The following PLCB1 variants were observed in gnomAD, a reference collection of about 807,000 sequenced individuals.
PLCB1 encodes phospholipase C beta 1.
Under a neutral mutation model 161.8 loss-of-function variants are expected in PLCB1, and 46 were observed. The observed-to-expected ratio is 0.28, with a 90% CI of 0.22 to 0.36. The LOEUF is 0.36. Among genes scored for constraint, PLCB1 ranks in the 10% least tolerant of loss-of-function variants. The pLI is 1.00. For missense variants in PLCB1, 1,016 were observed against 1,472.5 expected, an observed-to-expected ratio of 0.69 and a Z score of 5.07; for synonymous variants, 517 against 503.7, an observed-to-expected ratio of 1.03 and a Z score of -0.35.
chr20:8,881,580 C>T lies in PLCB1; in HGVS notation c.3424-42C>T, dbSNP rs760136494. On this transcript the variant is annotated intron_variant, in intron 31 of 31. Transcript: ENST00000338037. Reference sequence around the variant, plus strand: ...GTTTCTATGGGAGTGGGTATAGAAACATAAACAACTTCAAGTCATCTCCCC... The same window carrying T: ...GTTTCTATGGGAGTGGGTATAGAAATATAAACAACTTCAAGTCATCTCCCC... 5.4e-6 allele frequency: 8 copies of T among 1,476,406 alleles called. No individual in the cohort carries two copies. In the South Asian group the frequency reaches 9.1e-5, roughly 17 times the overall value. The allele number at this position is 1,476,406 out of a possible 1,614,324, so 91.5% of individuals were successfully genotyped here. A position where few individuals can be genotyped will look rare whatever the true frequency, so the allele number is the denominator to read the frequency against.
At chr20:8,249,838 T>C (rs1188256458) in intron 2 of PLCB1, 1 of 151,974 alleles carries the variant, frequency 6.6e-6, no homozygotes, top group Non-Finnish European at 1.5e-5. Context: ...GGCAGATCAC[T>C]CACTGTGCCA....
At chr20:8,878,546 AGTCCAGGGCCCTGAGC>A (rs145968222) in intron 31 of PLCB1, among the ~76,000 whole-genome samples, 3,911 of 152,266 alleles carry the variant, frequency 0.026, 77 homozygotes, top group Middle Eastern at 0.075. Flanking sequence ...TAGCCACATG[AGTCCAGGGCCCTGAGC>A]GCCCCCTCAC....
At chr20:8,632,092 G>A (rs1254928942) in intron 4 of PLCB1, among the ~76,000 whole-genome samples, 1 of 89,622 alleles carries the variant, frequency 1.1e-5, no homozygotes, top group Non-Finnish European at 2.1e-5. Flanking sequence ...GTAAGACTTT[G>A]TTGCAAATAA....
intron 3 of PLCB1, among the ~76,000 whole-genome samples, chr20:8,575,398 C>T (rs2123062416): frequency 6.6e-6 from 1 of 152,286 alleles, no homozygotes; most frequent in Non-Finnish European, 1.5e-5. Context: ...TATTATTGTG[C>T]CCACAGAAAA....
chr20:8,146,105 GT>G (rs58227641), intron 1 of PLCB1, among the ~76,000 whole-genome samples: 34,623 of 141,618 alleles, frequency 0.24, 4,990 homozygotes, highest in African/African-American at 0.43. Flanking sequence ...TGTTTTTTTT[GT>G]TTTTTTTTTT....
chr20:8,566,563 G>C (rs1986341084), intron 3 of PLCB1, among the ~76,000 whole-genome samples: 1 of 152,158 alleles, frequency 6.6e-6, no homozygotes, highest in African/African-American at 2.4e-5. Context: ...CTTTTGAGCA[G>C]TTAGATTTTC....
intron 2 of PLCB1, among the ~76,000 whole-genome samples, chr20:8,267,725 A>G (rs1008071337): frequency 2.6e-5 from 4 of 152,196 alleles, no homozygotes; most frequent in African/African-American, 9.6e-5. Flanking sequence ...CAAGTGGCTC[A>G]GGAGCCCAGA....
chr20:8,653,768 A>G (rs1314496699), intron 7 of PLCB1, among the ~76,000 whole-genome samples: 1 of 152,090 alleles, frequency 6.6e-6, no homozygotes, highest in African/African-American at 2.4e-5. Context: ...AGGAATATTT[A>G]GTGTACTGGT....
intron 3 of PLCB1, among the ~76,000 whole-genome samples, chr20:8,452,089 A>T (rs1274673200): frequency 1.3e-5 from 2 of 152,218 alleles, no homozygotes; most frequent in East Asian, 1.9e-4. Context: ...GAATGTTTTT[A>T]AAAATTTCTA....
At chr20:8,359,309 T>C (rs1986464309) in intron 2 of PLCB1, among the ~76,000 whole-genome samples, 1 of 152,216 alleles carries the variant, frequency 6.6e-6, no homozygotes, top group Non-Finnish European at 1.5e-5. Context: ...ATGAATTATG[T>C]TTATCAACTT....
intron 2 of PLCB1, among the ~76,000 whole-genome samples, chr20:8,257,123 C>T (rs376581432): frequency 9.9e-5 from 15 of 152,068 alleles, no homozygotes; most frequent in Admixed American, 3.9e-4. Context: ...TTTAGATGAA[C>T]GATTCCCCAA....
chr20:8,305,520 C>T (rs559324281), intron 2 of PLCB1, among the ~76,000 whole-genome samples: 4 of 152,158 alleles, frequency 2.6e-5, no homozygotes, highest in African/African-American at 4.8e-5. Flanking sequence ...TTTGCAAACA[C>T]ACCTTGGGGT....
intron 2 of PLCB1, among the ~76,000 whole-genome samples, chr20:8,184,769 T>TTTTTTA (rs2051882807): frequency 7.0e-6 from 1 of 141,916 alleles, no homozygotes; most frequent in South Asian, 2.3e-4. Flanking sequence ...TGGCAATACC[T>TTTTTTA]TTATTATTAT....
At chr20:8,330,815 A>G (rs984283) in intron 2 of PLCB1, among the ~76,000 whole-genome samples, 53,944 of 152,062 alleles carry the variant, frequency 0.35, 10,383 homozygotes, top group African/African-American at 0.5. Flanking sequence ...CAACATTAGC[A>G]TCTACATCCT....
intron 3 of PLCB1, among the ~76,000 whole-genome samples, chr20:8,559,275 G>A (rs533881319): frequency 1.3e-5 from 2 of 151,850 alleles, no homozygotes; most frequent in Non-Finnish European, 2.9e-5. Context: ...CAGATTATAA[G>A]TTTAAGATGT....
intron 3 of PLCB1, among the ~76,000 whole-genome samples, chr20:8,523,488 CT>C (rs1568492937): frequency 6.7e-5 from 4 of 59,368 alleles, no homozygotes; most frequent in East Asian, 3.0e-4. Context: ...CTCTCTCTCT[CT>C]CTCTCTCTAT....
At chr20:8,361,501 A>G (rs930107559) in intron 2 of PLCB1, among the ~76,000 whole-genome samples, 1 of 152,092 alleles carries the variant, frequency 6.6e-6, no homozygotes, top group African/African-American at 2.4e-5. Flanking sequence ...AGAGTTTCTA[A>G]TTTAGTAGGC....
At chr20:8,482,921 T>C (rs1456537902) in intron 3 of PLCB1, among the ~76,000 whole-genome samples, 2 of 152,094 alleles carry the variant, frequency 1.3e-5, no homozygotes, top group Non-Finnish European at 2.9e-5. Context: ...AACCTCTTTT[T>C]CTAAATGCCC....
At chr20:8,730,617 T>C (rs1980187763) in intron 18 of PLCB1, among the ~76,000 whole-genome samples, 2 of 151,722 alleles carry the variant, frequency 1.3e-5, no homozygotes, top group Non-Finnish European at 3.0e-5. Context: ...CTGTATTATG[T>C]TTTCCTTGAC....
Sources: allele counts gnomAD v4.1 joint callset (sites outside exome capture counted in the v4.1 genomes callset), GRCh38; gene constraint gnomAD v4.1.1; transcripts MANE v1.5; gene names NCBI Gene and HGNC (gene_info 2026-07-23, HGNC 2026-07-21).